H2BC12: variants seen among roughly 807,000 people sequenced by gnomAD.
The protein encoded by H2BC12 is H2B clustered histone 12, also known as histone H2B type 1-K.
In H2BC12, 6 loss-of-function variants were observed where a neutral mutation model predicts 6.3. The ratio of observed to expected loss-of-function variants is 0.95; its 90% CI spans 0.52 to 1.87. The LOEUF (loss-of-function observed/expected upper bound fraction) is 1.87. Ranked by LOEUF, H2BC12 falls within the 40% of genes most tolerant of loss-of-function variation. H2BC12 has a pLI of 0.01. For synonymous variants in H2BC12, 132 were observed against 78.5 expected (o/e 1.68, Z -3.60); for missense variants, 119 against 178.4 (o/e 0.67, Z 1.90).
At chr6:27,146,053 A>G (rs1760073097), downstream of H2BC12, among the ~76,000 whole-genome samples, 2 of 148,834 alleles carry the variant, frequency 1.3e-5, no homozygotes, top group Non-Finnish European at 3.0e-5. Context: ...TACACGTGAC[A>G]CAATAGGCTT....
downstream of H2BC12, among the ~76,000 whole-genome samples, chr6:27,144,559 A>G (rs1487738012): frequency 6.8e-6 from 1 of 147,942 alleles, no homozygotes; most frequent in Admixed American, 7.0e-5. Flanking sequence ...GGAGAAAGTT[A>G]TGGCCACTTC....
At chr6:27,139,720 T>C in the H2BC12 span, 1 of 1,463,026 alleles carries the variant, frequency 6.8e-7, no homozygotes, top group Non-Finnish European at 9.1e-7. Flanking sequence ...AGTCTCTTAA[T>C]AGGGCCATTG....
the H2BC12 span, among the ~76,000 whole-genome samples, chr6:27,140,894 C>T: frequency 6.7e-6 from 1 of 150,324 alleles, no homozygotes; most frequent in Non-Finnish European, 1.5e-5. Context: ...ATTCTGTCAC[C>T]TTGTGGGTTT....
Position 27,146,735 on chromosome 6 carries a change from C to A in H2BC12, c.64G>T (p.Ala22Ser), listed in dbSNP as rs747481729. Residue 22 changes from alanine to serine, a missense_variant, in exon 1 of 1, where the codon GCG becomes TCG. By Grantham distance (99) the Ala-to-Ser change is moderately conservative (BLOSUM62 1). Transcript: ENST00000356950. ...KKGSKKAVTK[A>S]QKKDGKKRKR... is the part of the protein sequence containing the mutation. ...CGCTTCTTGCCGTCCTTCTTCTGCG[C>A]CTTAGTCACGGCTTTCTTCGAGCCC... 1.2e-6 allele frequency: 2 copies of A among 1,614,152 alleles called. No individual in the cohort carries two copies. The highest frequency in any genetic ancestry group is 1.7e-5 in the Admixed American group (1 of 60,010).
chr6:27,138,561 G>A, the H2BC12 span: 1 of 152,226 alleles, frequency 6.6e-6, no homozygotes, highest in African/African-American at 2.4e-5. Flanking sequence ...AGTCCATCTA[G>A]GTATGGTTGC....
downstream of H2BC12, among the ~76,000 whole-genome samples, chr6:27,143,343 C>T (rs1442708702): frequency 6.7e-6 from 1 of 150,232 alleles, no homozygotes; most frequent in Non-Finnish European, 1.5e-5. Flanking sequence ...CAGAGTAAGA[C>T]TGTCTCAAAA....
the H2BC12 span, chr6:27,139,912 C>T: frequency 2.4e-6 from 1 of 422,504 alleles, no homozygotes; most frequent in Non-Finnish European, 4.3e-6. Flanking sequence ...GTTTAGAAAG[C>T]CAAGGGGTCT....
chr6:27,142,887 G>A (rs140252312), downstream of H2BC12, among the ~76,000 whole-genome samples: 1,523 of 151,584 alleles, frequency 0.01, 10 homozygotes, highest in African/African-American at 0.021. Context: ...CACCCACCTC[G>A]GCCTCCCAAA....
At chr6:27,139,175 T>A in the H2BC12 span, 1 of 949,042 alleles carries the variant, frequency 1.1e-6, no homozygotes, top group Non-Finnish European at 1.5e-6. Flanking sequence ...CTGTTTCCCT[T>A]TTAGGTCCCC....
At chr6:27,142,693 G>A (rs1036698696), downstream of H2BC12, among the ~76,000 whole-genome samples, 3 of 122,606 alleles carry the variant, frequency 2.4e-5, no homozygotes, top group Admixed American at 8.8e-5. Context: ...TTCGAGTGCA[G>A]TGGCACAATT....
chr6:27,139,322 G>A, the H2BC12 span: 5 of 1,609,848 alleles, frequency 3.1e-6, no homozygotes, highest in Non-Finnish European at 4.2e-6. Flanking sequence ...TCAGGACGCG[G>A]CAAAGGAGGT....
At chr6:27,139,556 C>T in the H2BC12 span, 2 of 1,614,006 alleles carry the variant, frequency 1.2e-6, no homozygotes, top group Non-Finnish European at 1.7e-6. Flanking sequence ...AAGACGGTCA[C>T]CGCCATGGAC....
chr6:27,145,295 TACACACACACAC>T (rs57882884), downstream of H2BC12, among the ~76,000 whole-genome samples: 912 of 142,720 alleles, frequency 6.4e-3, 10 homozygotes, highest in African/African-American at 0.019. Context: ...ATATGTTAAA[TACACACACACAC>T]ACACACACAC....
downstream of H2BC12, among the ~76,000 whole-genome samples, chr6:27,144,957 C>G (rs1373655694): frequency 2.0e-5 from 3 of 152,098 alleles, no homozygotes; most frequent in East Asian, 3.9e-4. Context: ...CCACGCCCCC[C>G]CTAATTTTTG....
In H2BC12 at chr6:27,146,780, A is replaced by C. The variant is rs1478526544; in HGVS notation, c.19T>G (p.Ser7Ala). MPEPAK[S>A]APAPKKGSKK... ...GAGCCCTTCTTGGGCGCGGGAGCGG[A>C]CTTCGCTGGTTCCGGCATGTTGAAG... The change falls in exon 1 of 1, where the codon TCC becomes GCC. Residue 7 changes from serine to alanine, a missense_variant. By Grantham distance (99) the Ser-to-Ala change is moderately conservative (BLOSUM62 1). Around this residue, in one of 2 missense-constraint regions of H2BC12, gnomAD observed 50 missense variants for 37.4 expected, o/e 1.34. Coordinates refer to ENST00000356950, the MANE Select transcript of H2BC12 (RefSeq NM_001312653.2). 3.1e-6 allele frequency: 5 copies of C among 1,614,082 alleles called. No homozygotes were observed. The highest frequency in any genetic ancestry group is 1.1e-5 in the South Asian group (1 of 91,086).
At chr6:27,145,981 C>A (rs560076200), downstream of H2BC12, among the ~76,000 whole-genome samples, 108 of 152,264 alleles carry the variant, frequency 7.1e-4, no homozygotes, top group African/African-American at 2.5e-3. Context: ...ACTGGAACGC[C>A]ATCGGGAACC....
chr6:27,144,137 C>G (rs1372425528), downstream of H2BC12, among the ~76,000 whole-genome samples: 1 of 152,078 alleles, frequency 6.6e-6, no homozygotes, highest in Non-Finnish European at 1.5e-5. Context: ...TAACAGTGAT[C>G]TGAACTTTTT....
chr6:27,146,806 G>A lies in H2BC12; in HGVS notation c.-8C>T, dbSNP rs1284532793. ...CTTCGCTGGTTCCGGCATGTTGAAG[G>A]CGAACTACGAGCCTGAGACGAGCAG... On this transcript the variant is annotated 5_prime_UTR_variant, in exon 1 of 1. Coordinates refer to ENST00000356950, the MANE Select transcript of H2BC12 (RefSeq NM_001312653.2). 3 of 1,613,376 alleles carry A rather than the reference G, an allele frequency of 1.9e-6. No individual in the cohort carries two copies. The highest frequency in any genetic ancestry group is 2.2e-5 in the East Asian group (1 of 44,896).
the H2BC12 span, chr6:27,139,254 A>G: frequency 1.1e-4 from 162 of 1,532,314 alleles, 1 homozygote; most frequent in Non-Finnish European, 1.3e-4. Context: ...GAGGTTACCC[A>G]TAAAAGAAAG....
Sources: allele counts gnomAD v4.1 joint callset (sites outside exome capture counted in the v4.1 genomes callset), GRCh38; gene constraint gnomAD v4.1.1; regional missense constraint gnomAD v4.1.1; transcripts MANE v1.5; gene names NCBI Gene and HGNC (gene_info 2026-07-23, HGNC 2026-07-21).